TSC22D3: variants seen among roughly 807,000 people sequenced by gnomAD.
TSC22D3 encodes the protein TSC22 domain family member 3, also known as TSC22 domain family protein 3.
A neutral mutation model predicts 11.1 loss-of-function variants in TSC22D3; 4 were observed. The observed-to-expected ratio is 0.36, with a 90% CI of 0.18 to 0.83. The LOEUF (loss-of-function observed/expected upper bound fraction) is 0.83, where lower values mean the gene tolerates loss of function less well. Ranked by LOEUF, TSC22D3 falls within the 40% of genes least tolerant of loss-of-function variation. The pLI, the probability that TSC22D3 is intolerant of heterozygous loss-of-function variation, is 0.48. For missense variants in TSC22D3, 118 were observed against 159.4 expected, an observed-to-expected ratio of 0.74 and a Z score of 1.40; for synonymous variants, 77 against 70.3, an observed-to-expected ratio of 1.10 and a Z score of -0.48.
intron 1 of TSC22D3, among the ~76,000 whole-genome samples, chrX:107,762,837 G>T (rs1464567543): frequency 1.1e-5 from 1 of 91,595 alleles, no homozygotes; most frequent in African/African-American, 4.0e-5. Flanking sequence ...AAAAAAACCT[G>T]CACATGTACT....
chrX:107,743,313 G>A (rs1469180083), intron 1 of TSC22D3, among the ~76,000 whole-genome samples: 6 of 112,082 alleles, frequency 5.4e-5, no homozygotes, highest in Non-Finnish European at 1.1e-4. Context: ...AAGGGAGGGC[G>A]CTAGACTCAC....
intron 1 of TSC22D3, among the ~76,000 whole-genome samples, chrX:107,772,658 A>G (rs1267457970): frequency 9.1e-6 from 1 of 109,672 alleles, no homozygotes; most frequent in Non-Finnish European, 1.9e-5. Context: ...ACCAGCCTGC[A>G]CAACATGGCA....
chrX:107,735,731 C>A (rs1011102273), intron 1 of TSC22D3, among the ~76,000 whole-genome samples: 2 of 109,140 alleles, frequency 1.8e-5, no homozygotes, highest in Non-Finnish European at 3.8e-5. Context: ...ACCCGCCCCC[C>A]CAGCTGACTA....
chrX:107,740,063 G>C (rs1028402833), intron 1 of TSC22D3, among the ~76,000 whole-genome samples: 1 of 112,123 alleles, frequency 8.9e-6, no homozygotes, highest in African/African-American at 3.2e-5. Flanking sequence ...GACTCAGGAG[G>C]TCAATATTGT....
chrX:107,767,202 C>G (rs1191229743), intron 1 of TSC22D3, among the ~76,000 whole-genome samples: 1 of 111,935 alleles, frequency 8.9e-6, no homozygotes, highest in Non-Finnish European at 1.9e-5. Context: ...AATACTCAAG[C>G]CTATTCTGTG....
At chrX:107,762,278 C>G (rs986196708) in intron 1 of TSC22D3, among the ~76,000 whole-genome samples, 4 of 111,466 alleles carry the variant, frequency 3.6e-5, no homozygotes, top group Non-Finnish European at 7.5e-5. Context: ...TGGGGGGCCC[C>G]CTTGAGACTA....
intron 1 of TSC22D3, among the ~76,000 whole-genome samples, chrX:107,725,407 G>A (rs1927572618): frequency 9.0e-6 from 1 of 111,532 alleles, no homozygotes; most frequent in Admixed American, 9.5e-5. Context: ...TGGGGCGGGA[G>A]AAGGGTATTT....
At chrX:107,751,191 G>A (rs1003693681) in intron 1 of TSC22D3, among the ~76,000 whole-genome samples, 2 of 112,241 alleles carry the variant, frequency 1.8e-5, no homozygotes, top group African/African-American at 3.2e-5. Context: ...TTGGAATTCC[G>A]GTGTGCTTGG....
At chrX:107,742,281 A>AGAGAGAGAGAGAG (rs1928441990) in intron 1 of TSC22D3, among the ~76,000 whole-genome samples, 1 of 56,818 alleles carries the variant, frequency 1.8e-5, no homozygotes, top group African/African-American at 7.9e-5. Context: ...GAGAGAGAGA[A>AGAGAGAGAGAGAG]AGAGAGAGAG....
chrX:107,723,489 G>T (rs1053390716), intron 1 of TSC22D3, among the ~76,000 whole-genome samples: 17 of 112,472 alleles, frequency 1.5e-4, no homozygotes, highest in African/African-American at 5.5e-4. Context: ...AAGGTTCCTT[G>T]CCCTCTCCTA....
intron 1 of TSC22D3, among the ~76,000 whole-genome samples, chrX:107,739,722 A>G (rs1928308817): frequency 8.9e-6 from 1 of 112,783 alleles, no homozygotes; most frequent in Non-Finnish European, 1.9e-5. Flanking sequence ...TGGGAGGGAC[A>G]AAATCAGGGA....
chrX:107,726,386 C>A (rs1024585227), intron 1 of TSC22D3, among the ~76,000 whole-genome samples: 6 of 112,209 alleles, frequency 5.3e-5, no homozygotes, highest in African/African-American at 1.9e-4. Context: ...ACAGAGTGAC[C>A]CTTTTAACCT....
chrX:107,755,508 G>A (rs962952187), intron 1 of TSC22D3, among the ~76,000 whole-genome samples: 2 of 112,771 alleles, frequency 1.8e-5, no homozygotes, highest in South Asian at 3.6e-4. Context: ...AATCCACAAG[G>A]TGAGCCCTAG....
intron 1 of TSC22D3, among the ~76,000 whole-genome samples, chrX:107,732,215 C>T (rs1927920561): frequency 9.2e-6 from 1 of 108,887 alleles, no homozygotes; most frequent in African/African-American, 3.4e-5. Context: ...CCCTCCCCTC[C>T]CCTCCCTCTG....
chrX:107,755,406 A>T (rs1297235389), intron 1 of TSC22D3, among the ~76,000 whole-genome samples: 1 of 112,178 alleles, frequency 8.9e-6, no homozygotes, highest in East Asian at 2.8e-4. Flanking sequence ...AAGACACACA[A>T]GGCTCCTGAG....
intron 1 of TSC22D3, among the ~76,000 whole-genome samples, chrX:107,756,517 C>T (rs2147778130): frequency 8.9e-6 from 1 of 112,681 alleles, no homozygotes; most frequent in South Asian, 3.6e-4. Context: ...CAGATGGTCC[C>T]CACCGCCAAC....
intron 1 of TSC22D3, among the ~76,000 whole-genome samples, chrX:107,745,176 G>A (rs781330373): frequency 1.8e-5 from 2 of 111,687 alleles, no homozygotes; most frequent in South Asian, 7.5e-4. Flanking sequence ...AAGTAGTTGG[G>A]ACAAGGGTGG....
chrX:107,761,356 G>A (rs752004781), intron 1 of TSC22D3, among the ~76,000 whole-genome samples: 2 of 112,178 alleles, frequency 1.8e-5, no homozygotes, highest in East Asian at 5.7e-4. Context: ...CATCTCTCTA[G>A]GATCCTGGCT....
intron 1 of TSC22D3, among the ~76,000 whole-genome samples, chrX:107,727,484 A>G (rs1298642055): frequency 1.8e-5 from 2 of 111,964 alleles, no homozygotes; most frequent in Non-Finnish European, 3.8e-5. Flanking sequence ...GGAAACATAA[A>G]CAAATCATTT....
Sources: gnomAD v4.1 joint callset for allele counts (sites outside exome capture counted in the v4.1 genomes callset) on GRCh38, gnomAD v4.1.1 for gene constraint, MANE v1.5 for transcripts, NCBI Gene and HGNC (gene_info 2026-07-23, HGNC 2026-07-21) for gene names.